The following TRIQK variants were observed in gnomAD, a reference collection of about 807,000 sequenced individuals.
The protein encoded by TRIQK is triple QxxK/R motif-containing protein.
A neutral mutation model predicts 10.8 loss-of-function variants in TRIQK; 10 were observed. The ratio of observed to expected loss-of-function variants is 0.92; its 90% CI spans 0.57 to 1.57. TRIQK has a LOEUF of 1.57. Among genes scored for constraint, TRIQK ranks in the 40% most tolerant of loss-of-function variants. The pLI is 0.00. For synonymous variants in TRIQK, 33 were observed against 33.7 expected, an observed-to-expected ratio of 0.98 and a Z score of 0.07; for missense variants, 107 against 97.7, an observed-to-expected ratio of 1.09 and a Z score of -0.40.
intron 1 of TRIQK, among the ~76,000 whole-genome samples, chr8:92,997,284 A>C (rs1813162081): frequency 6.6e-6 from 1 of 152,032 alleles, no homozygotes; most frequent in African/African-American, 2.4e-5. Flanking sequence ...GGAAATAAGT[A>C]CTTTAGGAAA....
chr8:92,918,801 C>T (rs1301823269), intron 2 of TRIQK, among the ~76,000 whole-genome samples: 5 of 151,348 alleles, frequency 3.3e-5, no homozygotes, highest in African/African-American at 1.2e-4. Flanking sequence ...TTTGCCAGAC[C>T]AATGTCCTGT....
chr8:92,914,476 C>A (rs1809725986), intron 3 of TRIQK, among the ~76,000 whole-genome samples: 1 of 152,054 alleles, frequency 6.6e-6, no homozygotes, highest in South Asian at 2.1e-4. Context: ...TATTTGTACA[C>A]CATGTACTTG....
intron 1 of TRIQK, among the ~76,000 whole-genome samples, chr8:93,003,896 C>G (rs1397805528): frequency 3.9e-5 from 6 of 152,226 alleles, no homozygotes; most frequent in African/African-American, 1.4e-4. Context: ...GTCTCACATC[C>G]AGCTCATGCT....
intron 1 of TRIQK, among the ~76,000 whole-genome samples, chr8:92,991,046 G>C (rs988719090): frequency 6.6e-6 from 1 of 152,180 alleles, no homozygotes; most frequent in Non-Finnish European, 1.5e-5. Flanking sequence ...AGTTGACGAG[G>C]AACACTCTGG....
In TRIQK at chr8:92,884,941, T is replaced by C. The variant is rs1170221686; in HGVS notation, c.*1681A>G. 2.2e-6 allele frequency: 1 copy of C among 456,142 alleles called. No homozygotes were observed. Among genetic ancestry groups the C allele is most frequent in the South Asian group, 1.5e-5 (1 of 64,554 alleles). 28.3% of individuals were successfully genotyped at this position (456,142 alleles called of 1,614,324 possible). On this transcript the variant is annotated 3_prime_UTR_variant, in exon 5 of 5. Coordinates refer to ENST00000521988, the MANE Select transcript of TRIQK (RefSeq NM_001171797.2). ...CAAAATGCCAGCTTGGATATTCCCT[T>C]GCCACCCACTTGACGAACAGACATA... is the stretch of plus-strand genomic sequence containing the variant.
chr8:92,921,146 T>A (rs572038806), intron 2 of TRIQK, among the ~76,000 whole-genome samples: 10 of 151,796 alleles, frequency 6.6e-5, no homozygotes, highest in African/African-American at 2.4e-4. Flanking sequence ...TAATCATTAT[T>A]TCTTAGGGGT....
At chr8:92,952,066 G>C (rs1019358162) in intron 2 of TRIQK, among the ~76,000 whole-genome samples, 1 of 151,232 alleles carries the variant, frequency 6.6e-6, no homozygotes, top group Admixed American at 6.6e-5. Flanking sequence ...AAAATTACAA[G>C]GCATACTAAA....
intron 2 of TRIQK, among the ~76,000 whole-genome samples, chr8:92,947,045 G>T (rs1286400315): frequency 2.0e-5 from 3 of 151,742 alleles, no homozygotes; most frequent in Non-Finnish European, 4.4e-5. Flanking sequence ...GATTACAGGC[G>T]TGAGCCACTG....
intron 1 of TRIQK, among the ~76,000 whole-genome samples, chr8:92,980,571 C>A (rs1016236792): frequency 6.6e-6 from 1 of 151,976 alleles, no homozygotes; most frequent in Non-Finnish European, 1.5e-5. Context: ...CCTGGTGCTG[C>A]TTCAGTTTCT....
At chr8:92,938,081 A>G (rs542515412) in intron 2 of TRIQK, among the ~76,000 whole-genome samples, 1 of 152,054 alleles carries the variant, frequency 6.6e-6, no homozygotes, top group East Asian at 1.9e-4. Flanking sequence ...AGAGACAAAA[A>G]CTTTTATTTT....
chr8:92,900,978 GTGTTT>G (rs1050625274), intron 3 of TRIQK, among the ~76,000 whole-genome samples: 1 of 151,380 alleles, frequency 6.6e-6, no homozygotes, highest in Non-Finnish European at 1.5e-5. Context: ...TTATTCCTAG[GTGTTT>G]TGTTTTATTT....
chr8:92,993,111 GT>G lies in TRIQK; in HGVS notation c.-181+24497del, dbSNP rs1221720254. On this transcript the variant is annotated intron_variant, in intron 1 of 4. Transcript: ENST00000520686. ...TTTCTACTGGTCTTTTCAGTCATTG[GT>G]AAGGCTGTTACATCATTGGTAAGGC... 5.9e-5 allele frequency among the ~76,000 whole-genome samples: 9 copies of G among 152,186 alleles called. No homozygotes were observed. In the East Asian group the frequency reaches 1.5e-3, roughly 26 times the overall value.
intron 1 of TRIQK, among the ~76,000 whole-genome samples, chr8:92,955,623 A>C (rs1812129621): frequency 6.6e-6 from 1 of 151,824 alleles, no homozygotes; most frequent in Non-Finnish European, 1.5e-5. Flanking sequence ...ACATGACCAA[A>C]AAAGTGCAAA....
chr8:92,893,808 T>A (rs1816877601), intron 3 of TRIQK, among the ~76,000 whole-genome samples: 1 of 151,192 alleles, frequency 6.6e-6, no homozygotes, highest in Non-Finnish European at 1.5e-5. Flanking sequence ...ACTTCTTGTT[T>A]TATCCTGTAT....
At chr8:92,953,616 A>G (rs1812019976) in intron 2 of TRIQK, 1 of 152,020 alleles carries the variant, frequency 6.6e-6, no homozygotes, top group African/African-American at 2.4e-5. Flanking sequence ...AAGTGCAAAA[A>G]TTCTGAGATG....
At chr8:92,959,480 T>TACACACACAC (rs34816958) in intron 1 of TRIQK, among the ~76,000 whole-genome samples, 55 of 143,736 alleles carry the variant, frequency 3.8e-4, no homozygotes, top group Admixed American at 7.8e-4. Flanking sequence ...TATATATGCA[T>TACACACACAC]ACACACACAC....
chr8:92,998,819 A>G (rs1404329953), intron 1 of TRIQK, among the ~76,000 whole-genome samples: 1 of 152,120 alleles, frequency 6.6e-6, no homozygotes, highest in Non-Finnish European at 1.5e-5. Flanking sequence ...CATTTCCAGG[A>G]CAGCCTAATA....
intron 1 of TRIQK, among the ~76,000 whole-genome samples, chr8:92,987,239 G>C (rs1813044456): frequency 6.6e-6 from 1 of 152,146 alleles, no homozygotes; most frequent in Admixed American, 6.5e-5. Context: ...CTATCAGAAA[G>C]TCCACTTCTG....
chr8:92,981,836 G>T (rs1479929592), intron 1 of TRIQK, among the ~76,000 whole-genome samples: 2 of 151,692 alleles, frequency 1.3e-5, no homozygotes, highest in Non-Finnish European at 2.9e-5. Flanking sequence ...ATACTAAAAA[G>T]AGATATCTTT....
Sources: allele counts gnomAD v4.1 joint callset (sites outside exome capture counted in the v4.1 genomes callset), GRCh38; gene constraint gnomAD v4.1.1; transcripts MANE v1.5; gene names NCBI Gene and HGNC (gene_info 2026-07-23, HGNC 2026-07-21).